The following PNPLA4 variants were observed in gnomAD, a reference collection of about 807,000 sequenced individuals.
The protein encoded by PNPLA4 is patatin-like phospholipase domain-containing protein 4.
In PNPLA4, 15 loss-of-function variants were observed where a neutral mutation model predicts 18.3. That is an observed-to-expected ratio of 0.82 (90% CI 0.55 to 1.26). The LOEUF (loss-of-function observed/expected upper bound fraction) is 1.26. Among genes scored for constraint, PNPLA4 ranks in the 50% most tolerant of loss-of-function variants. The pLI is 0.00. For missense variants in PNPLA4, 229 were observed against 196.8 expected, an observed-to-expected ratio of 1.16 and a Z score of -0.98; for synonymous variants, 88 against 85.6, an observed-to-expected ratio of 1.03 and a Z score of -0.16.
rs182787193 is a variant in PNPLA4, at chrX:7,923,091, T to C, written c.181-993A>G. Among the ~76,000 whole-genome samples the C allele has an allele frequency of 3.2e-3, 359 of 112,609 alleles. 2 individuals are homozygous for C. Among genetic ancestry groups the C allele is most frequent in the African/African-American group, 0.011 (351 of 31,047 alleles). On this transcript the variant is annotated intron_variant, in intron 2 of 6. Transcript: ENST00000381042. ...TTGCAGAATTTCAGTTAAGTGGCTA[T>C]ATTATTGCAGCAGTCTCTCCTCTCC...
intron 1 of PNPLA4, among the ~76,000 whole-genome samples, chrX:7,926,495 G>A (rs1924414690): frequency 8.9e-6 from 1 of 111,780 alleles, no homozygotes; most frequent in African/African-American, 3.3e-5. Flanking sequence ...GCGGGTGGGG[G>A]CGGCACTACC....
intron 5 of PNPLA4, among the ~76,000 whole-genome samples, chrX:7,910,265 C>G (rs915846843): frequency 9.0e-5 from 10 of 111,012 alleles, no homozygotes; most frequent in African/African-American, 3.3e-4. Context: ...CTCAGCAAAG[C>G]TCAAGGAAAG....
intron 2 of PNPLA4, among the ~76,000 whole-genome samples, chrX:7,923,740 T>C (rs1211710734): frequency 9.0e-6 from 1 of 111,399 alleles, no homozygotes; most frequent in Admixed American, 9.5e-5. Flanking sequence ...AGCTGAAATG[T>C]GTCCCTATGG....
chrX:7,912,081 TG>T lies in PNPLA4; in HGVS notation c.423del (p.Ser142AlafsTer10), dbSNP rs751628666. Reference protein sequence around the residue: ...SREDLIKVLLASSFVPIYAGL... With the variant: ...SREDLIKVLLXSSFVPIYAGL... The stretch of plus-strand genomic sequence containing the variant: ...CCTGCATAAATGGGCACAAAACTGC[TG>T]GCTAGGAGGACCTAGATGGATAAAA... On this transcript the variant is annotated frameshift_variant, in exon 5 of 7. Transcript: ENST00000381042. The T allele has an allele frequency of 3.3e-6, 4 of 1,199,365 alleles. No individual in the cohort carries two copies. Among genetic ancestry groups the T allele is most frequent in the Non-Finnish European group, 4.5e-6 (4 of 886,339 alleles).
chrX:7,925,801 G>A, intron 2 of PNPLA4, 139 bp downstream of exon 2: 1 of 473,547 alleles, frequency 2.1e-6, no homozygotes. Flanking sequence ...TACATCTTAA[G>A]AGAAAAGTCC....
intron 4 of PNPLA4, 61 bp from the exon 5 acceptor site, chrX:7,912,154 G>C (rs1044048808): frequency 1.2e-6 from 1 of 854,123 alleles, no homozygotes; most frequent in African/African-American, 2.0e-5. Context: ...AGACAATACA[G>C]TTGATGTAGT....
intron 5 of PNPLA4, among the ~76,000 whole-genome samples, chrX:7,909,892 A>G (rs1238062163): frequency 8.9e-6 from 1 of 111,936 alleles, no homozygotes; most frequent in Non-Finnish European, 1.9e-5. Flanking sequence ...ACCTAGCTGC[A>G]CAGCCACAGG....
chrX:7,908,069 T>A (rs1055269616), intron 5 of PNPLA4, among the ~76,000 whole-genome samples: 1 of 111,815 alleles, frequency 8.9e-6, no homozygotes, highest in Non-Finnish European at 1.9e-5. Flanking sequence ...ATGATTCTTC[T>A]AAGCGATTAA....
At chrX:7,918,683 A>T (rs748784646) in intron 4 of PNPLA4, among the ~76,000 whole-genome samples, 59 of 111,238 alleles carry the variant, frequency 5.3e-4, no homozygotes, top group Non-Finnish European at 9.4e-4. Flanking sequence ...GGTGACCTTC[A>T]GGCAGCCTCC....
intron 4 of PNPLA4, 129 bp from the exon 5 acceptor site, chrX:7,912,222 G>A (rs1170401827): frequency 9.7e-6 from 4 of 411,478 alleles, no homozygotes; most frequent in Non-Finnish European, 1.7e-5. Flanking sequence ...AGCACTGCAC[G>A]TAATTACATA....
Position 7,898,279 on chromosome X carries a change from A to G in PNPLA4, c.*2407T>C, listed in dbSNP as rs898298683. ...AATGACATTTTTAATGACAGATTCA[A>G]ATATATAAGGAAATTGCCCCCACAG... On this transcript the variant is annotated 3_prime_UTR_variant, in exon 7 of 7. Transcript: ENST00000381042. The G allele has an allele frequency of 8.9e-6, 1 of 111,834 alleles. No homozygotes were observed. Among genetic ancestry groups the G allele is most frequent in the Admixed American group, 9.5e-5 (1 of 10,527 alleles). 9.2% of individuals were successfully genotyped at this position (111,834 alleles called of 1,213,427 possible).
chrX:7,916,387 G>A (rs1042659715), intron 4 of PNPLA4, among the ~76,000 whole-genome samples: 5 of 111,096 alleles, frequency 4.5e-5, no homozygotes, highest in Admixed American at 9.6e-5. Flanking sequence ...CTTGACACTC[G>A]GGGGATACTG....
At chrX:7,919,958 C>T (rs755399023) in intron 4 of PNPLA4, among the ~76,000 whole-genome samples, 5 of 111,721 alleles carry the variant, frequency 4.5e-5, no homozygotes, top group African/African-American at 1.6e-4. Context: ...ACGCATATTA[C>T]GGAGTGCCTA....
At chrX:7,919,347 T>G (rs1352965484) in intron 4 of PNPLA4, among the ~76,000 whole-genome samples, 3 of 112,629 alleles carry the variant, frequency 2.7e-5, no homozygotes, top group African/African-American at 9.7e-5. Flanking sequence ...CATCTCTTTC[T>G]GGAGGCTCTG....
chrX:7,921,631 C>T (rs756467971), intron 4 of PNPLA4, 82 bp downstream of exon 4: 16 of 838,724 alleles, frequency 1.9e-5, no homozygotes, highest in Admixed American at 1.6e-4. Flanking sequence ...ATCTAAAGAA[C>T]GTGGTAATGC....
In PNPLA4 at chrX:7,898,295, G is replaced by T. The variant is rs1923403276; in HGVS notation, c.*2391C>A. 1 of 111,565 alleles carries T rather than the reference G, an allele frequency of 9.0e-6. No homozygotes were observed. Among genetic ancestry groups the T allele is most frequent in the African/African-American group, 3.3e-5 (1 of 30,668 alleles). The allele number at this position is 111,565 out of a possible 1,213,427, so 9.2% of individuals were successfully genotyped here. On this transcript the variant is annotated 3_prime_UTR_variant, in exon 7 of 7. Coordinates refer to ENST00000381042, the MANE Select transcript of PNPLA4 (RefSeq NM_004650.3). ...ACAGATTCAAATATATAAGGAAATT[G>T]CCCCCACAGGGAATTGGGAATTTAT...
At chrX:7,916,053 T>C (rs1220833135) in intron 4 of PNPLA4, among the ~76,000 whole-genome samples, 1 of 111,546 alleles carries the variant, frequency 9.0e-6, no homozygotes, top group East Asian at 2.8e-4. Flanking sequence ...CCTAGAGCAT[T>C]CACACGTGTC....
Position 7,900,726 on chromosome X carries a change from T to C in PNPLA4, c.722A>G (p.Asp241Gly). ...MESLYQCGFD[D>G]TVKFLLKENW... ...TTCTTTAAGTAAAAACTTAACAGTGTCATCAAAACCACACTGATACAAAGA... is the reference window on the plus strand; with the variant it reads ...TTCTTTAAGTAAAAACTTAACAGTGCCATCAAAACCACACTGATACAAAGA... The change falls in exon 7 of 7, where the codon GAC becomes GGC. Residue 241 changes from aspartate to glycine, a missense_variant. Physicochemically the swap from Asp to Gly is moderately conservative, Grantham distance 94. Transcript: ENST00000381042. The C allele has an allele frequency of 1.7e-6, 2 of 1,183,638 alleles. No homozygotes were observed. The highest frequency in any genetic ancestry group is 1.1e-6 in the Non-Finnish European group (1 of 873,597).
intron 4 of PNPLA4, 28 bp downstream of exon 4, chrX:7,921,685 C>A: frequency 8.4e-7 from 1 of 1,187,744 alleles, no homozygotes; most frequent in South Asian, 1.8e-5. Flanking sequence ...TTGCTGATTT[C>A]TTCAAATAGG....
Sources: gnomAD v4.1 joint callset for allele counts (sites outside exome capture counted in the v4.1 genomes callset) on GRCh38, gnomAD v4.1.1 for gene constraint, MANE v1.5 for transcripts, NCBI Gene and HGNC (gene_info 2026-07-23, HGNC 2026-07-21) for gene names.